Variants in TRIM33 observed in about 807,000 individuals in gnomAD.
The protein encoded by TRIM33 is tripartite motif containing 33, also known as E3 ubiquitin-protein ligase TRIM33.
In TRIM33, 20 loss-of-function variants were observed where a neutral mutation model predicts 125.4. The observed-to-expected ratio is 0.16, with a 90% CI of 0.11 to 0.23. The LOEUF is 0.23. TRIM33 is among the 10% of genes least tolerant of loss of function. The probability of loss-of-function intolerance (pLI) is 1.00; values close to 1 mark genes in which losing one functional copy is unlikely to be tolerated. For synonymous variants in TRIM33, 564 were observed against 513.9 expected, an observed-to-expected ratio of 1.10 and a Z score of -1.32; for missense variants, 920 against 1,411.4, an observed-to-expected ratio of 0.65 and a Z score of 5.58.
At chr1:114,408,207 C>T (rs1301578653) in intron 13 of TRIM33, among the ~76,000 whole-genome samples, 1 of 152,112 alleles carries the variant, frequency 6.6e-6, no homozygotes, top group Admixed American at 6.5e-5. Flanking sequence ...GGAGAAACTA[C>T]ATTTTTACAA....
At chr1:114,414,542 AC>A (rs1652808184) in intron 11 of TRIM33, among the ~76,000 whole-genome samples, 1 of 151,978 alleles carries the variant, frequency 6.6e-6, no homozygotes, top group Admixed American at 6.5e-5. Context: ...ACTAACTCTT[AC>A]CCCGCTTCCA....
At chr1:114,442,387 T>C (rs1226970064) in intron 4 of TRIM33, among the ~76,000 whole-genome samples, 1 of 152,028 alleles carries the variant, frequency 6.6e-6, no homozygotes, top group Admixed American at 6.6e-5. Flanking sequence ...CTACTTGGAT[T>C]GCATCTGAAA....
At chr1:114,409,488 T>C (rs1464532224) in intron 12 of TRIM33, among the ~76,000 whole-genome samples, 2 of 152,186 alleles carry the variant, frequency 1.3e-5, no homozygotes, top group African/African-American at 4.8e-5. Context: ...CTAAGTGTTT[T>C]AAAGTTGACT....
At chr1:114,414,287 CCCA>C (rs1431551526) in intron 11 of TRIM33, among the ~76,000 whole-genome samples, 14 of 151,978 alleles carry the variant, frequency 9.2e-5, no homozygotes, top group African/African-American at 3.1e-4. Context: ...CTGATCCTAC[CCCA>C]CCAAAACCCT....
At chr1:114,460,576 T>A (rs1193802910) in intron 4 of TRIM33, among the ~76,000 whole-genome samples, 2 of 122,142 alleles carry the variant, frequency 1.6e-5, no homozygotes, top group African/African-American at 6.6e-5. Flanking sequence ...CCGCCACCTT[T>A]TTTTTTTTTT....
In TRIM33 at chr1:114,402,902, A is replaced by G; in HGVS notation, c.2769-19T>C. 6.2e-7 allele frequency: 1 copy of G among 1,602,350 alleles called. No homozygotes were observed. The highest frequency in any genetic ancestry group is 1.1e-5 in the South Asian group (1 of 89,138). On this transcript the variant is annotated intron_variant, in intron 15 of 19. Transcript: ENST00000358465. ...GTCCCCACTAGACAGGGAAATAGGCAATTAGTCCACGTAATTATAAGAAAG... is the reference window on the plus strand; with the variant it reads ...GTCCCCACTAGACAGGGAAATAGGCGATTAGTCCACGTAATTATAAGAAAG...
Position 114,418,184 on chromosome 1 carries a change from G to C in TRIM33, c.2061+3252C>G, listed in dbSNP as rs6660911. On this transcript the variant is annotated intron_variant, in intron 11 of 19. Coordinates refer to ENST00000358465, the MANE Select transcript of TRIM33 (RefSeq NM_015906.4). ...GGCACCTTCACAAGGCAGTAGGAGA[G>C]AGAGTGAGTGCAGAGGAAACTGCCA... Among the ~76,000 whole-genome samples, 1,478 of 152,202 alleles carry C rather than the reference G, an allele frequency of 9.7e-3. 21 individuals are homozygous for C. Among genetic ancestry groups the C allele is most frequent in the African/African-American group, 0.025 (1,052 of 41,466 alleles).
At chr1:114,406,835 A>G (rs1652275478) in intron 14 of TRIM33, 106 bp downstream of exon 14, 1 of 1,165,810 alleles carries the variant, frequency 8.6e-7, no homozygotes, top group Non-Finnish European at 1.2e-6. Flanking sequence ...TGAAATTTCA[A>G]AAATAAATGT....
chr1:114,436,339 T>C (rs942203033), intron 4 of TRIM33, among the ~76,000 whole-genome samples: 6 of 142,216 alleles, frequency 4.2e-5, no homozygotes, highest in Admixed American at 7.1e-5. Flanking sequence ...GAGGCGAAGA[T>C]TGCAGTGAGC....
At chr1:114,475,347 C>CA (rs1650912780) in intron 1 of TRIM33, among the ~76,000 whole-genome samples, 1 of 152,170 alleles carries the variant, frequency 6.6e-6, no homozygotes, top group Admixed American at 6.5e-5. Flanking sequence ...TAAAACCATG[C>CA]AAAGCACATC....
intron 1 of TRIM33, among the ~76,000 whole-genome samples, chr1:114,469,974 G>C (rs1304061556): frequency 2.0e-5 from 3 of 152,202 alleles, no homozygotes; most frequent in African/African-American, 4.8e-5. Context: ...ATGTCAGTAA[G>C]TATTTCCAAA....
chr1:114,462,191 T>C (rs185948295), intron 4 of TRIM33, among the ~76,000 whole-genome samples: 1 of 152,294 alleles, frequency 6.6e-6, no homozygotes, highest in Non-Finnish European at 1.5e-5. Context: ...GTGAATTAAA[T>C]ACATATTCAG....
intron 1 of TRIM33, among the ~76,000 whole-genome samples, chr1:114,488,805 C>G (rs1274330865): frequency 1.3e-5 from 2 of 151,970 alleles, no homozygotes; most frequent in East Asian, 3.9e-4. Flanking sequence ...TCCAGAAGAA[C>G]CAAAACGATC....
rs1652404885 is a variant in TRIM33 at position 114,408,800 on chromosome 1, TACCGGTCACAGA to T, written c.2195-72_2195-61del. The T allele has an allele frequency of 2.6e-6, 3 of 1,155,612 alleles. No individual in the cohort carries two copies. The Admixed American group carries it at 6.8e-5, about 26-fold the overall frequency. The allele number at this position is 1,155,612 out of a possible 1,614,324, so 71.6% of individuals were successfully genotyped here. On this transcript the variant is annotated intron_variant, in intron 12 of 19. Transcript: ENST00000358465. ...ATATAAGAATATTTGGAATTCTACC[TACCGGTCACAGA>T]ACTCAAGATTATTATAACCCAGCTA...
intron 1 of TRIM33, among the ~76,000 whole-genome samples, chr1:114,502,182 G>A (rs1652758432): frequency 6.6e-6 from 1 of 152,182 alleles, no homozygotes; most frequent in South Asian, 2.1e-4. Flanking sequence ...TTTCTGAACT[G>A]TTATGGGTAC....
chr1:114,504,146 CCTTT>C (rs1652860479), intron 1 of TRIM33, among the ~76,000 whole-genome samples: 1 of 151,778 alleles, frequency 6.6e-6, no homozygotes, highest in Non-Finnish European at 1.5e-5. Flanking sequence ...GAGCCATTAT[CCTTT>C]TTTTTTATTT....
chr1:114,480,632 T>G (rs1055188313), intron 1 of TRIM33, among the ~76,000 whole-genome samples: 6 of 148,768 alleles, frequency 4.0e-5, no homozygotes, highest in Non-Finnish European at 7.4e-5. Flanking sequence ...GAAGTCTCAG[T>G]AAAGAAGGAA....
At chr1:114,485,422 T>G (rs571048066) in intron 1 of TRIM33, among the ~76,000 whole-genome samples, 2 of 152,184 alleles carry the variant, frequency 1.3e-5, no homozygotes, top group African/African-American at 4.8e-5. Flanking sequence ...TCATCACTTC[T>G]TATCCCTTTG....
At chr1:114,454,104 C>T (rs993199064) in intron 4 of TRIM33, among the ~76,000 whole-genome samples, 2 of 152,158 alleles carry the variant, frequency 1.3e-5, no homozygotes, top group African/African-American at 2.4e-5. Flanking sequence ...CAAGTGGTGT[C>T]AGAAGTGAAA....
Sources: gnomAD v4.1 joint callset for allele counts (sites outside exome capture counted in the v4.1 genomes callset) on GRCh38, gnomAD v4.1.1 for gene constraint, MANE v1.5 for transcripts, NCBI Gene and HGNC (gene_info 2026-07-23, HGNC 2026-07-21) for gene names.